MACROD2: variants seen among roughly 807,000 people sequenced by gnomAD.
MACROD2 encodes mono-ADP ribosylhydrolase 2, also known as ADP-ribose glycohydrolase MACROD2.
A neutral mutation model predicts 70.4 loss-of-function variants in MACROD2; 36 were observed. The observed-to-expected ratio is 0.51, with a 90% confidence interval of 0.39 to 0.68. MACROD2 has a LOEUF of 0.68. Among genes scored for constraint, MACROD2 ranks in the 30% least tolerant of loss-of-function variants. The probability of loss-of-function intolerance (pLI) is 0.00; values close to 1 mark genes in which losing one functional copy is unlikely to be tolerated. For missense variants in MACROD2, 496 were observed against 538.4 expected (o/e 0.92, Z 0.78); for synonymous variants, 172 against 178.8 (o/e 0.96, Z 0.30).
chr20:15,183,636 G>T (rs754752161), intron 5 of MACROD2, among the ~76,000 whole-genome samples: 14 of 152,142 alleles, frequency 9.2e-5, no homozygotes, highest in Non-Finnish European at 1.9e-4. Flanking sequence ...CTTTTATGCA[G>T]AAGTGAAGAG....
intron 8 of MACROD2, among the ~76,000 whole-genome samples, chr20:15,840,196 G>C (rs2041420): frequency 0.81 from 123,650 of 152,200 alleles, 50,668 homozygotes; most frequent in African/African-American, 0.92. Flanking sequence ...AGCCCATGAG[G>C]ATTTGACAAG....
intron 3 of MACROD2, among the ~76,000 whole-genome samples, chr20:14,211,384 A>C (rs1279892214): frequency 6.6e-6 from 1 of 152,182 alleles, no homozygotes; most frequent in African/African-American, 2.4e-5. Context: ...ATGTGGAATA[A>C]TGACAATTTA....
chr20:14,977,563 A>G (rs2074752841), intron 5 of MACROD2, among the ~76,000 whole-genome samples: 1 of 151,974 alleles, frequency 6.6e-6, no homozygotes, highest in South Asian at 2.1e-4. Flanking sequence ...TGGGTAAGTC[A>G]CATATCCTCT....
At chr20:14,151,171 C>G (rs2055014972) in intron 3 of MACROD2, among the ~76,000 whole-genome samples, 1 of 152,150 alleles carries the variant, frequency 6.6e-6, no homozygotes, top group South Asian at 2.1e-4. Context: ...TTGGTGCTAT[C>G]TTGTATCTAC....
Position 15,196,459 on chromosome 20 carries a change from G to T in MACROD2, c.419-33481G>T, listed in dbSNP as rs540383188. Among the ~76,000 whole-genome samples the T allele has an allele frequency of 1.9e-3, 283 of 152,130 alleles. 11 individuals carry two copies. In the South Asian group the frequency reaches 0.057, roughly 31 times the overall value. ...CCGAGATGTTAGAATAAGATTTCTG[G>T]CTTAGATACAAAATTGGTGAATGTC... On this transcript the variant is annotated intron_variant, in intron 5 of 17. Transcript: ENST00000684519.
intron 4 of MACROD2, among the ~76,000 whole-genome samples, chr20:14,495,995 C>G (rs937761825): frequency 3.3e-5 from 5 of 152,080 alleles, no homozygotes; most frequent in Non-Finnish European, 7.4e-5. Flanking sequence ...CTCTAAAACA[C>G]GTGTCTGATT....
intron 4 of MACROD2, among the ~76,000 whole-genome samples, chr20:14,606,268 A>T (rs1306581664): frequency 6.6e-6 from 1 of 152,174 alleles, no homozygotes; most frequent in Non-Finnish European, 1.5e-5. Context: ...CTGTTATTGT[A>T]TGAGTGACCT....
intron 3 of MACROD2, among the ~76,000 whole-genome samples, chr20:14,118,981 G>T (rs1259763387): frequency 6.6e-6 from 1 of 151,086 alleles, no homozygotes; most frequent in East Asian, 2.0e-4. Context: ...GAGTAGCTGG[G>T]ACTACAGGCA....
chr20:15,166,837 TTTAAG>T (rs1282774711), intron 5 of MACROD2, among the ~76,000 whole-genome samples: 2 of 151,288 alleles, frequency 1.3e-5, no homozygotes, highest in Non-Finnish European at 2.9e-5. Flanking sequence ...AAATGAAGGT[TTTAAG>T]TTAATACTTA....
At chr20:14,581,411 A>G (rs2123348153) in intron 4 of MACROD2, among the ~76,000 whole-genome samples, 1 of 152,270 alleles carries the variant, frequency 6.6e-6, no homozygotes, top group South Asian at 2.1e-4. Flanking sequence ...CACTGATTTA[A>G]CCACTTGCAA....
intron 3 of MACROD2, among the ~76,000 whole-genome samples, chr20:14,100,331 A>C (rs1466350027): frequency 6.6e-6 from 1 of 151,758 alleles, no homozygotes; most frequent in Non-Finnish European, 1.5e-5. Flanking sequence ...GTATAATCTT[A>C]AAGTCACATT....
chr20:15,459,925 A>T (rs1399024105), intron 7 of MACROD2, among the ~76,000 whole-genome samples: 1 of 152,048 alleles, frequency 6.6e-6, no homozygotes, highest in African/African-American at 2.4e-5. Context: ...AGCCACAAAG[A>T]TGTAGTTTGT....
intron 5 of MACROD2, among the ~76,000 whole-genome samples, chr20:15,180,944 A>G (rs1399446391): frequency 6.6e-6 from 1 of 152,214 alleles, no homozygotes; most frequent in Non-Finnish European, 1.5e-5. Flanking sequence ...CTGTGTTACT[A>G]CAGTGACTTC....
chr20:14,151,990 A>C (rs932648602), intron 3 of MACROD2, among the ~76,000 whole-genome samples: 2 of 149,436 alleles, frequency 1.3e-5, no homozygotes, highest in Non-Finnish European at 3.0e-5. Flanking sequence ...CCCGGCTAAT[A>C]TTTTGTATTT....
intron 8 of MACROD2, among the ~76,000 whole-genome samples, chr20:15,623,341 C>T (rs539945129): frequency 8.5e-5 from 13 of 152,192 alleles, no homozygotes; most frequent in Non-Finnish European, 1.6e-4. Flanking sequence ...TCTCTGATGA[C>T]AGTGCTAACT....
intron 3 of MACROD2, among the ~76,000 whole-genome samples, chr20:14,429,667 T>G (rs2083973782): frequency 6.6e-6 from 1 of 152,152 alleles, no homozygotes; most frequent in South Asian, 2.1e-4. Flanking sequence ...ATCAGCACCT[T>G]TTTGCTTTTC....
intron 8 of MACROD2, among the ~76,000 whole-genome samples, chr20:15,604,191 G>C (rs1220418316): frequency 6.6e-6 from 1 of 152,182 alleles, no homozygotes; most frequent in East Asian, 1.9e-4. Context: ...CCAAACCAGA[G>C]AGTTGCACAG....
intron 6 of MACROD2, among the ~76,000 whole-genome samples, chr20:15,262,978 G>A (rs771271431): frequency 8.8e-4 from 134 of 152,058 alleles, no homozygotes; most frequent in Non-Finnish European, 1.6e-3. Flanking sequence ...TATTCTCTCC[G>A]ATTCTGTGGG....
At chr20:15,710,833 G>A (rs1041634823) in intron 8 of MACROD2, among the ~76,000 whole-genome samples, 1 of 152,124 alleles carries the variant, frequency 6.6e-6, no homozygotes, top group African/African-American at 2.4e-5. Flanking sequence ...CTCCAGTCTT[G>A]ACCTTCCAGA....
Sources: allele counts gnomAD v4.1 joint callset (sites outside exome capture counted in the v4.1 genomes callset), GRCh38; gene constraint gnomAD v4.1.1; transcripts MANE v1.5; gene names NCBI Gene and HGNC (gene_info 2026-07-23, HGNC 2026-07-21).